Variants in GRPEL1 observed in about 807,000 individuals in gnomAD.
GRPEL1 encodes GrpE like 1, mitochondrial.
Under a neutral mutation model 22.1 loss-of-function variants are expected in GRPEL1, and 13 were observed. That is an observed-to-expected ratio of 0.59 (90% CI 0.38 to 0.94). GRPEL1 has a LOEUF of 0.94. GRPEL1 is among the 40% of genes least tolerant of loss of function. GRPEL1 has a pLI of 0.00. For missense variants in GRPEL1, 289 were observed against 264.6 expected (o/e 1.09, Z -0.64); for synonymous variants, 109 against 105.3 (o/e 1.03, Z -0.21).
In GRPEL1 at chr4:7,060,699, A is replaced by G. The variant is rs573794061; in HGVS notation, c.*163T>C. ...GGAACAGACTCCCGAATTAGAGTTC[A>G]TTAATGCAGTTGGGCAACCGGCTTT... On this transcript the variant is annotated 3_prime_UTR_variant, in exon 4 of 4. Coordinates refer to ENST00000264954, the MANE Select transcript of GRPEL1 (RefSeq NM_025196.4). 3 of 673,898 alleles carry G rather than the reference A, an allele frequency of 4.5e-6. No homozygotes were observed. The South Asian group carries it at 5.4e-5, about 12-fold the overall frequency. The allele number at this position is 673,898 out of a possible 1,614,324, so 41.7% of individuals were successfully genotyped here.
intron 1 of GRPEL1, among the ~76,000 whole-genome samples, chr4:7,066,425 A>G (rs1370004254): frequency 2.0e-5 from 3 of 152,252 alleles, no homozygotes; most frequent in African/African-American, 7.2e-5. Context: ...AATACACAAA[A>G]CAGGATCCTA....
chr4:7,064,264 T>C (rs1386848361), intron 1 of GRPEL1, 41 bp from the exon 2 acceptor site: 1 of 1,572,920 alleles, frequency 6.4e-7, no homozygotes, highest in Admixed American at 1.9e-5. Flanking sequence ...GACTTAGTTT[T>C]TGTGCTTATT....
intron 3 of GRPEL1, chr4:7,061,741 A>G (rs1451306201): frequency 6.4e-6 from 1 of 155,570 alleles, no homozygotes; most frequent in Non-Finnish European, 1.4e-5. Context: ...CAGGAAAAAA[A>G]GTGTTTCAAT....
chr4:7,065,428 C>T (rs1440254640), intron 1 of GRPEL1, among the ~76,000 whole-genome samples: 11 of 151,288 alleles, frequency 7.3e-5, no homozygotes, highest in African/African-American at 2.4e-4. Context: ...GCAGGAAAAT[C>T]GCTTGAATCA....
Position 7,060,058 on chromosome 4 carries a change from A to G in GRPEL1, c.*804T>C, listed in dbSNP as rs1399091263. The G allele has an allele frequency of 6.6e-6, 1 of 152,248 alleles. No homozygotes were observed. Among genetic ancestry groups the G allele is most frequent in the Non-Finnish European group, 1.5e-5 (1 of 68,052 alleles). 9.4% of individuals were successfully genotyped at this position (152,248 alleles called of 1,614,324 possible). ...CACAAAATTGTTTTCAGAAAGTAGG[A>G]AAATAAACATTAGGGCTTTAATCCT... On this transcript the variant is annotated 3_prime_UTR_variant, in exon 4 of 4. Transcript: ENST00000264954.
chr4:7,060,656 A>G lies in GRPEL1; in HGVS notation c.*206T>C. The stretch of plus-strand genomic sequence containing the variant: ...CTTCTGAAAGTATGTGGAACTATTC[A>G]ACGCGTGGCACTAAAAGGGAACAGA... On this transcript the variant is annotated 3_prime_UTR_variant, in exon 4 of 4. Transcript: ENST00000264954. 1 of 592,938 alleles carries G rather than the reference A, an allele frequency of 1.7e-6. No homozygotes were observed. Among genetic ancestry groups the G allele is most frequent in the Non-Finnish European group, 3.0e-6 (1 of 335,226 alleles). 36.7% of individuals were successfully genotyped at this position (592,938 alleles called of 1,614,324 possible).
At chr4:7,064,493 C>G (rs930346748) in intron 1 of GRPEL1, among the ~76,000 whole-genome samples, 1 of 152,056 alleles carries the variant, frequency 6.6e-6, no homozygotes, top group Admixed American at 6.5e-5. Context: ...TGGTCTCTCT[C>G]TATATATCTA....
At chr4:7,064,282 G>A in intron 1 of GRPEL1, 59 bp from the exon 2 acceptor site, 2 of 1,518,454 alleles carry the variant, frequency 1.3e-6, no homozygotes, top group Admixed American at 4.1e-5. Context: ...ATTAAAGTCA[G>A]ATGTATGACT....
intron 1 of GRPEL1, 110 bp downstream of exon 1, chr4:7,067,861 C>T (rs1724213255): frequency 1.7e-6 from 2 of 1,169,872 alleles, no homozygotes; most frequent in Admixed American, 2.1e-5. Context: ...CCCGGAGATG[C>T]CCAGCTCCGG....
chr4:7,063,977 C>G, intron 2 of GRPEL1, 84 bp downstream of exon 2: 1 of 1,449,684 alleles, frequency 6.9e-7, no homozygotes, highest in African/African-American at 1.4e-5. Flanking sequence ...TAGTCTGTCA[C>G]CAATGAAACC....
rs1466633943 is a variant in GRPEL1, at chr4:7,060,852, T to A, written c.*10A>T. On this transcript the variant is annotated 3_prime_UTR_variant, in exon 4 of 4. Transcript: ENST00000264954. ...AGTGAGTTTAAAAACACCCACCCCA[T>A]CAACAGCAGCTAAGCTTCCTTCACC... 1 of 1,600,804 alleles carries A rather than the reference T, an allele frequency of 6.2e-7. No individual in the cohort carries two copies. Among genetic ancestry groups the A allele is most frequent in the African/African-American group, 1.3e-5 (1 of 74,636 alleles).
At position 7,060,543 on chromosome 4, in the gene GRPEL1, ATTTG is replaced by A; in HGVS notation, c.*315_*318del. 1 of 313,390 alleles carries A rather than the reference ATTTG, an allele frequency of 3.2e-6. No individual in the cohort carries two copies. The allele number at this position is 313,390 out of a possible 1,614,324, so 19.4% of individuals were successfully genotyped here. A position where few individuals can be genotyped will look rare whatever the true frequency, so the allele number is the denominator to read the frequency against. On this transcript the variant is annotated 3_prime_UTR_variant, in exon 4 of 4. Coordinates refer to ENST00000264954, the MANE Select transcript of GRPEL1 (RefSeq NM_025196.4). ...CAAACAGAATTCCCCAAGACCTTTT[ATTTG>A]TTTAAAATACTTTGGTGTCAGCAGA... is the stretch of plus-strand genomic sequence containing the variant.
rs1724006109 is a variant in GRPEL1, at chr4:7,060,235, A to G, written c.*627T>C. 6.6e-6 allele frequency: 1 copy of G among 152,470 alleles called. No individual in the cohort carries two copies. The allele number at this position is 152,470 out of a possible 1,614,324, so 9.4% of individuals were successfully genotyped here. A position where few individuals can be genotyped will look rare whatever the true frequency, so the allele number is the denominator to read the frequency against. ...TAAATATGTCTGCATTTAGATGAAC[A>G]GAACAGGGTAAAAGGAACTTTGCCA... On this transcript the variant is annotated 3_prime_UTR_variant, in exon 4 of 4. Coordinates refer to ENST00000264954, the MANE Select transcript of GRPEL1 (RefSeq NM_025196.4).
intron 1 of GRPEL1, among the ~76,000 whole-genome samples, chr4:7,067,222 G>A (rs1371326732): frequency 6.6e-6 from 1 of 151,208 alleles, no homozygotes; most frequent in Admixed American, 6.6e-5. Flanking sequence ...AACTTCTAAA[G>A]TAGAACTTTC....
Position 7,064,114 on chromosome 4 carries a change from T to G in GRPEL1, c.172A>C (p.Lys58Gln). 6.2e-7 allele frequency: 1 copy of G among 1,614,222 alleles called. No homozygotes were observed. The highest frequency in any genetic ancestry group is 8.5e-7 in the Non-Finnish European group (1 of 1,180,038). Residue 58 changes from lysine (K) to glutamine (Q), a missense_variant, in exon 2 of 4, where the codon AAG becomes CAG. Physicochemically the swap from Lys to Gln is moderately conservative, Grantham distance 53 (BLOSUM62 1). Transcript: ENST00000264954. ...EQKADPPATE[K>Q]TLLEEKVKLE... ...TTGACCTTCTCTTCCAGGAGGGTCT[T>G]CTCTGTAGCAGGAGGATCTGCCTTC... is the stretch of plus-strand genomic sequence containing the variant.
In GRPEL1 at chr4:7,059,961, C is replaced by T. The variant is rs1723998435; in HGVS notation, c.*901G>A. ...ACGCACGCACGTGTCAAGCTGACAG[C>T]TTCTGGGCTGGAGTAGAGAATGGGA... is the stretch of plus-strand genomic sequence containing the variant. On this transcript the variant is annotated 3_prime_UTR_variant, in exon 4 of 4. Transcript: ENST00000264954. The T allele has an allele frequency of 6.6e-6, 1 of 152,198 alleles. No homozygotes were observed. The highest frequency in any genetic ancestry group is 1.5e-5 in the Non-Finnish European group (1 of 68,046). 9.4% of individuals were successfully genotyped at this position (152,198 alleles called of 1,614,324 possible).
chr4:7,062,372 A>T lies in GRPEL1; in HGVS notation c.307+13T>A. 1 of 1,417,170 alleles carries T rather than the reference A, an allele frequency of 7.1e-7. No homozygotes were observed. The highest frequency in any genetic ancestry group is 9.9e-7 in the Non-Finnish European group (1 of 1,008,208). The allele number at this position is 1,417,170 out of a possible 1,614,324, so 87.8% of individuals were successfully genotyped here. ...TTCTTTCCGGAATCAACACCATGTT[A>T]TGTTGAAAGTACCGTATAATTTTGC... is the stretch of plus-strand genomic sequence containing the variant. On this transcript the variant is annotated intron_variant, in intron 3 of 3. Coordinates refer to ENST00000264954, the MANE Select transcript of GRPEL1 (RefSeq NM_025196.4).
chr4:7,062,246 A>C (rs1270418791), intron 3 of GRPEL1, 139 bp downstream of exon 3: 1 of 391,782 alleles, frequency 2.6e-6, no homozygotes, highest in Non-Finnish European at 4.7e-6. Flanking sequence ...GAGCCATCAT[A>C]AAAAAAAATG....
chr4:7,065,242 C>A (rs539283100), intron 1 of GRPEL1, among the ~76,000 whole-genome samples: 1 of 152,176 alleles, frequency 6.6e-6, no homozygotes, highest in Admixed American at 6.5e-5. Flanking sequence ...AAGACAGGTT[C>A]GCTGGCTCAC....
Sources: gnomAD v4.1 joint callset for allele counts (sites outside exome capture counted in the v4.1 genomes callset) on GRCh38, gnomAD v4.1.1 for gene constraint, MANE v1.5 for transcripts, NCBI Gene and HGNC (gene_info 2026-07-23, HGNC 2026-07-21) for gene names.